SLC22A8: variants seen among roughly 807,000 people sequenced by gnomAD.
SLC22A8 encodes solute carrier family 22 member 8, also known as organic anion transporter 3.
A neutral mutation model predicts 48.4 loss-of-function variants in SLC22A8; 40 were observed. The ratio of observed to expected loss-of-function variants is 0.83; its 90% CI spans 0.64 to 1.08. The LOEUF (loss-of-function observed/expected upper bound fraction) is 1.08. SLC22A8 is among the 50% of genes least tolerant of loss of function. The pLI is 0.00. For synonymous variants in SLC22A8, 268 were observed against 286.3 expected (o/e 0.94, Z 0.65); for missense variants, 606 against 699.0 (o/e 0.87, Z 1.50).
At chr11:63,015,009 G>C in intron 1 of SLC22A8, 26 bp from the exon 2 acceptor site, 13 of 1,483,342 alleles carry the variant, frequency 8.8e-6, no homozygotes, top group Non-Finnish European at 1.1e-5. Context: ...AGGCCAGGGA[G>C]AGGTATATTT....
chr11:62,999,870 G>C (rs1187735283), intron 3 of SLC22A8, 28 bp from the exon 4 acceptor site: 1 of 1,453,966 alleles, frequency 6.9e-7, no homozygotes, highest in East Asian at 2.6e-5. Context: ...GGAGGGGCCA[G>C]GTTAGCCACA....
Position 63,012,700 on chromosome 11 carries a change from C to T in SLC22A8, c.333+1926G>A, listed in dbSNP as rs937492352. ...AGCTGCTGCAGATAAGAGTAGTAAA[C>T]AAAGCAGCAGAAAATCCCTGCCTTG... On this transcript the variant is annotated intron_variant, in intron 2 of 10. Transcript: ENST00000336232. Among the ~76,000 whole-genome samples the T allele has an allele frequency of 7.4e-4, 113 of 152,198 alleles. 1 individual carries two copies. The highest frequency in any genetic ancestry group is 2.6e-3 in the African/African-American group (107 of 41,440).
chr11:63,001,783 T>A (rs1042645269), intron 2 of SLC22A8, among the ~76,000 whole-genome samples: 1 of 151,874 alleles, frequency 6.6e-6, no homozygotes, highest in African/African-American at 2.4e-5. Flanking sequence ...CACAGAGGAG[T>A]AGATTCAGTG....
intron 2 of SLC22A8, among the ~76,000 whole-genome samples, chr11:63,005,155 G>T (rs753538038): frequency 1.5e-4 from 23 of 152,214 alleles, no homozygotes; most frequent in Admixed American, 1.0e-3. Context: ...AACTTCAATT[G>T]CACTCTAAAT....
Position 62,999,690 on chromosome 11 carries a change from A to C in SLC22A8, c.590T>G (p.Leu197Trp). ...CTCCATGCCCCACTGCAGCTCACTC[A>C]AGATGACGGTGCTCAGGGTAATGCC... ...ISGITLSTVI[L>W]NVEWVPTRMR... Residue 197 changes from leucine (L) to tryptophan (W), a missense_variant and splice_region_variant, in exon 4 of 11, where the codon TTG becomes TGG. Leu to Trp is a moderately conservative substitution (Grantham distance 61). Transcript: ENST00000336232. The C allele has an allele frequency of 6.4e-7, 1 of 1,563,754 alleles. No individual in the cohort carries two copies.
chr11:63,009,177 G>A (rs1234008881), intron 2 of SLC22A8, among the ~76,000 whole-genome samples: 1 of 152,132 alleles, frequency 6.6e-6, no homozygotes, highest in Non-Finnish European at 1.5e-5. Context: ...GGGGTGTGAA[G>A]CAGAAGTGCT....
chr11:63,000,695 C>G, intron 3 of SLC22A8, 25 bp downstream of exon 3: 1 of 1,530,360 alleles, frequency 6.5e-7, no homozygotes, highest in African/African-American at 1.4e-5. Flanking sequence ...GTCATGCTTC[C>G]ATGGGCTGTG....
chr11:62,993,674 T>C, intron 9 of SLC22A8, 47 bp from the exon 10 acceptor site: 1 of 1,600,680 alleles, frequency 6.2e-7, no homozygotes, highest in Non-Finnish European at 8.6e-7. Flanking sequence ...GTGGGGTTCA[T>C]AAAGGATGGC....
chr11:62,998,845 G>T (rs2086454973), intron 5 of SLC22A8, 76 bp downstream of exon 5: 1 of 1,377,742 alleles, frequency 7.3e-7, no homozygotes, highest in Non-Finnish European at 1.0e-6. Context: ...GAGTTGGCCA[G>T]CCTGGGCAGG....
chr11:63,001,094 C>T (rs1436404830), intron 2 of SLC22A8: 1 of 423,990 alleles, frequency 2.4e-6, no homozygotes, highest in African/African-American at 2.0e-5. Flanking sequence ...CTGGCCTCAA[C>T]TGCTTCCTCC....
At chr11:63,012,913 G>A (rs757216812) in intron 2 of SLC22A8, among the ~76,000 whole-genome samples, 3 of 152,180 alleles carry the variant, frequency 2.0e-5, no homozygotes, top group African/African-American at 7.2e-5. Context: ...GCTGGGGGGA[G>A]AAAGTAGCAA....
intron 6 of SLC22A8, 79 bp downstream of exon 6, chr11:62,995,950 G>T: frequency 6.3e-7 from 1 of 1,596,488 alleles, no homozygotes; most frequent in South Asian, 1.1e-5. Context: ...TGAGCCAGGG[G>T]AACAGAGGCA....
chr11:62,999,676 A>G lies in SLC22A8; in HGVS notation c.592+12T>C, dbSNP rs771002919. 9.0e-5 allele frequency: 138 copies of G among 1,530,028 alleles called. No individual in the cohort carries two copies. Among genetic ancestry groups the G allele is most frequent in the Non-Finnish European group, 1.1e-4 (126 of 1,134,640 alleles). The allele number at this position is 1,530,028 out of a possible 1,614,324, so 94.8% of individuals were successfully genotyped here. A position where few individuals can be genotyped will look rare whatever the true frequency, so the allele number is the denominator to read the frequency against. On this transcript the variant is annotated intron_variant, in intron 4 of 10. Coordinates refer to ENST00000336232, the MANE Select transcript of SLC22A8 (RefSeq NM_004254.4). Reference sequence around the variant, plus strand: ...TCCCCAAAGCCCAGCTCCATGCCCCACTGCAGCTCACTCAAGATGACGGTG... The same window carrying G: ...TCCCCAAAGCCCAGCTCCATGCCCCGCTGCAGCTCACTCAAGATGACGGTG...
chr11:62,999,641 T>C (rs748279691), intron 4 of SLC22A8, 47 bp downstream of exon 4: 26 of 1,423,210 alleles, frequency 1.8e-5, no homozygotes, highest in Non-Finnish European at 2.3e-5. Flanking sequence ...TTTTGGCTTC[T>C]GGATGGTGCT....
Position 63,014,741 on chromosome 11 carries a change from C to G in SLC22A8, c.218G>C (p.Cys73Ser). ...ATTGGGCGGATGTACAAAACGGAGG[C>G]ACCTCTCAGGCTTCCCATTTGGGCC... ...PMGPNGKPER[C>S]LRFVHPPNAS... The change falls in exon 2 of 11, where the codon TGC becomes TCC. Residue 73 changes from cysteine (C) to serine (S), a missense_variant. By Grantham distance (112) the Cys-to-Ser change is moderately radical. Coordinates refer to ENST00000336232, the MANE Select transcript of SLC22A8 (RefSeq NM_004254.4). 6.2e-7 allele frequency: 1 copy of G among 1,614,148 alleles called. No individual in the cohort carries two copies. Among genetic ancestry groups the G allele is most frequent in the African/African-American group, 1.3e-5 (1 of 75,044 alleles).
chr11:62,994,497 T>A, intron 8 of SLC22A8, 45 bp downstream of exon 8: 1 of 1,484,086 alleles, frequency 6.7e-7, no homozygotes, highest in Non-Finnish European at 9.2e-7. Flanking sequence ...GCACCCAACC[T>A]GGCAGCCTCT....
intron 7 of SLC22A8, chr11:62,994,981 G>T (rs1007467208): frequency 3.4e-6 from 2 of 580,722 alleles, no homozygotes; most frequent in South Asian, 2.0e-5. Flanking sequence ...ATGGTCCAGG[G>T]TGTGGTGGCA....
chr11:62,995,867 G>A (rs774320791), intron 6 of SLC22A8, 48 bp from the exon 7 acceptor site: 4 of 1,526,154 alleles, frequency 2.6e-6, no homozygotes, highest in African/African-American at 2.7e-5. Context: ...CAGCTAGTGG[G>A]CAGGACGAAG....
intron 2 of SLC22A8, among the ~76,000 whole-genome samples, chr11:63,010,061 C>T (rs577820804): frequency 1.3e-5 from 2 of 152,278 alleles, no homozygotes; most frequent in South Asian, 2.1e-4. Flanking sequence ...TCAGACATCC[C>T]TATTAACAAC....
Sources: allele counts gnomAD v4.1 joint callset (sites outside exome capture counted in the v4.1 genomes callset), GRCh38; gene constraint gnomAD v4.1.1; transcripts MANE v1.5; gene names NCBI Gene and HGNC (gene_info 2026-07-23, HGNC 2026-07-21).